Variants in ASPH observed in about 807,000 individuals in gnomAD.
ASPH encodes the protein aspartate beta-hydroxylase.
In ASPH, 100 loss-of-function variants were observed where a neutral mutation model predicts 118.4. That is an observed-to-expected ratio of 0.84 (90% confidence interval 0.72 to 1.00). ASPH has a LOEUF of 1.00. Among genes scored for constraint, ASPH ranks in the 50% least tolerant of loss-of-function variants. The probability of loss-of-function intolerance (pLI) is 0.00; values close to 1 mark genes in which losing one functional copy is unlikely to be tolerated. For synonymous variants in ASPH, 315 were observed against 325.6 expected (o/e 0.97, Z 0.35); for missense variants, 920 against 919.5 (o/e 1.00, Z -0.01).
chr8:61,546,022 G>C (rs1482351558), intron 21 of ASPH, among the ~76,000 whole-genome samples: 7 of 152,196 alleles, frequency 4.6e-5, no homozygotes, highest in African/African-American at 1.7e-4. Flanking sequence ...TTGTAACTGT[G>C]AGTGCCCATG....
In ASPH at chr8:61,697,979, T is replaced by C. The variant is rs372615766; in HGVS notation, c.104-13791A>G. ...CTAATTAGAAAAAAAAAAAATGTCT[T>C]GTAAAGACAGAGTCTTGCTTTGTTG... On this transcript the variant is annotated intron_variant, in intron 1 of 24. Coordinates refer to ENST00000379454, the MANE Select transcript of ASPH (RefSeq NM_004318.4). 1.8e-3 allele frequency among the ~76,000 whole-genome samples: 269 copies of C among 152,126 alleles called. 2 individuals carry two copies. The highest frequency in any genetic ancestry group is 3.4e-3 in the Middle Eastern group (1 of 294).
chr8:61,524,031 G>C (rs1172903648), intron 22 of ASPH, among the ~76,000 whole-genome samples: 2 of 152,170 alleles, frequency 1.3e-5, no homozygotes, highest in Non-Finnish European at 2.9e-5. Context: ...TAATGAGCTA[G>C]GATTGCACCA....
At chr8:61,578,410 C>A (rs1311145286) in intron 15 of ASPH, 93 of 1,604,310 alleles carry the variant, frequency 5.8e-5, no homozygotes, top group Non-Finnish European at 7.4e-5. Context: ...GGAGGCATCA[C>A]CGCAGTCATG....
At chr8:61,511,184 T>C (rs1020869591) in intron 24 of ASPH, among the ~76,000 whole-genome samples, 4 of 152,236 alleles carry the variant, frequency 2.6e-5, no homozygotes, top group African/African-American at 4.8e-5. Flanking sequence ...AATGAAAATA[T>C]ATGTTATAAA....
intron 18 of ASPH, among the ~76,000 whole-genome samples, chr8:61,561,485 G>A (rs1347623255): frequency 1.3e-5 from 2 of 152,154 alleles, no homozygotes; most frequent in African/African-American, 4.8e-5. Context: ...TAAAAATTAT[G>A]AGAAAGGTAA....
intron 1 of ASPH, among the ~76,000 whole-genome samples, chr8:61,691,244 A>G (rs191779727): frequency 4.4e-3 from 664 of 152,308 alleles, no homozygotes; most frequent in African/African-American, 0.015. Context: ...TATTGAATGC[A>G]TGGTAAGATA....
chr8:61,524,500 A>G (rs771510580), intron 22 of ASPH, among the ~76,000 whole-genome samples: 31 of 152,190 alleles, frequency 2.0e-4, no homozygotes, highest in Non-Finnish European at 4.4e-5. Flanking sequence ...ATTCTATCAC[A>G]TGTAAGAAAG....
At chr8:61,699,063 G>C (rs999794763) in intron 1 of ASPH, among the ~76,000 whole-genome samples, 1 of 152,176 alleles carries the variant, frequency 6.6e-6, no homozygotes, top group Non-Finnish European at 1.5e-5. Context: ...GTGGGCGCTG[G>C]GACATGCCAT....
chr8:61,597,218 A>G (rs2133265333), intron 14 of ASPH, among the ~76,000 whole-genome samples: 1 of 150,574 alleles, frequency 6.6e-6, no homozygotes, highest in East Asian at 1.9e-4. Context: ...AAAAAAAACA[A>G]TGAAGGGGCC....
In ASPH at chr8:61,618,960, T is replaced by A. The variant is rs1440953029; in HGVS notation, c.976+18A>T. The A allele has an allele frequency of 6.3e-7, 1 of 1,588,982 alleles. No homozygotes were observed. The highest frequency in any genetic ancestry group is 8.6e-7 in the Non-Finnish European group (1 of 1,159,230). On this transcript the variant is annotated intron_variant, in intron 14 of 24. Coordinates refer to ENST00000379454, the MANE Select transcript of ASPH (RefSeq NM_004318.4). ...TTCCCCATGTATATTTTAAAGGCTG[T>A]TTATTTGACAATCTCACCTTTTGCT... is the stretch of plus-strand genomic sequence containing the variant.
At chr8:61,633,520 T>C (rs1163034449) in intron 13 of ASPH, 163 bp downstream of exon 13, 1 of 529,292 alleles carries the variant, frequency 1.9e-6, no homozygotes. Context: ...CATTTTCCAT[T>C]ACTTTGGTTG....
intron 1 of ASPH, among the ~76,000 whole-genome samples, chr8:61,709,796 T>C (rs1040352081): frequency 6.6e-6 from 1 of 152,140 alleles, no homozygotes; most frequent in Non-Finnish European, 1.5e-5. Flanking sequence ...CTGGGTAAGA[T>C]AAAATAATGT....
intron 21 of ASPH, among the ~76,000 whole-genome samples, chr8:61,529,990 CACAA>C (rs1372432380): frequency 6.6e-6 from 1 of 152,178 alleles, no homozygotes; most frequent in African/African-American, 2.4e-5. Context: ...GTGGGGGAGA[CACAA>C]ACATTCAGAC....
In ASPH at chr8:61,699,912, G is replaced by A. The variant is rs541693338; in HGVS notation, c.103+14357C>T. On this transcript the variant is annotated intron_variant, in intron 1 of 24. Transcript: ENST00000379454. ...GCCTAGTTGAACAGCAGAGGGAACT[G>A]GGGAATGACGGCTACAGAGAAAGGT... 7.2e-5 allele frequency among the ~76,000 whole-genome samples: 11 copies of A among 152,324 alleles called. No homozygotes were observed. In the South Asian group the frequency reaches 2.3e-3, roughly 32 times the overall value.
intron 10 of ASPH, among the ~76,000 whole-genome samples, chr8:61,642,430 A>G (rs1296793083): frequency 6.6e-6 from 1 of 152,258 alleles, no homozygotes; most frequent in Non-Finnish European, 1.5e-5. Context: ...ATGGGTAAAC[A>G]GTCTCCCCAA....
At chr8:61,598,567 G>A (rs903155885) in intron 14 of ASPH, among the ~76,000 whole-genome samples, 2 of 152,184 alleles carry the variant, frequency 1.3e-5, no homozygotes, top group African/African-American at 4.8e-5. Flanking sequence ...CCCACTCTGA[G>A]TATTGGACAG....
At chr8:61,656,850 A>G (rs1409452398) in intron 3 of ASPH, 1 of 152,198 alleles carries the variant, frequency 6.6e-6, no homozygotes, top group Non-Finnish European at 1.5e-5. Context: ...CAAGCCCAGG[A>G]TTAGCTTACT....
chr8:61,601,605 G>A (rs1187440008), intron 14 of ASPH, among the ~76,000 whole-genome samples: 1 of 148,986 alleles, frequency 6.7e-6, no homozygotes, highest in African/African-American at 2.5e-5. Context: ...CCTAAAATAA[G>A]TGGAAGAAAG....
At chr8:61,558,647 G>A (rs1308092117) in intron 18 of ASPH, among the ~76,000 whole-genome samples, 3 of 152,212 alleles carry the variant, frequency 2.0e-5, no homozygotes, top group Non-Finnish European at 4.4e-5. Context: ...TCAGGCCCCA[G>A]GGCAGCTGAC....
Sources: gnomAD v4.1 joint callset for allele counts (sites outside exome capture counted in the v4.1 genomes callset) on GRCh38, gnomAD v4.1.1 for gene constraint, MANE v1.5 for transcripts, NCBI Gene and HGNC (gene_info 2026-07-23, HGNC 2026-07-21) for gene names.